Variants in NFIC observed in about 807,000 individuals in gnomAD.
NFIC encodes the protein nuclear factor I C.
NFIC carries 12 observed loss-of-function variants against 54.4 expected under a neutral mutation model. The observed-to-expected ratio is 0.22, with a 90% CI of 0.14 to 0.36. The LOEUF (loss-of-function observed/expected upper bound fraction) is 0.36, where lower values mean the gene tolerates loss of function less well. NFIC is among the 10% of genes least tolerant of loss of function. NFIC has a pLI of 1.00. For synonymous variants in NFIC, 322 were observed against 319.2 expected, an observed-to-expected ratio of 1.01 and a Z score of -0.09; for missense variants, 575 against 718.2, an observed-to-expected ratio of 0.80 and a Z score of 2.28.
At chr19:3,430,576 C>T (rs2082103762) in intron 3 of NFIC, among the ~76,000 whole-genome samples, 1 of 152,034 alleles carries the variant, frequency 6.6e-6, no homozygotes, top group African/African-American at 2.4e-5. Flanking sequence ...CCATCAGCCA[C>T]CACTCCCTGT....
Position 3,393,584 on chromosome 19 carries a change from G to A in NFIC, c.562+11341G>A, listed in dbSNP as rs1268907768. On this transcript the variant is annotated intron_variant, in intron 2 of 10. Coordinates refer to ENST00000443272, the MANE Select transcript of NFIC (RefSeq NM_001245002.2). ...AATCCCAGCACTTTGGGAGACCGAG[G>A]AGGGCAGATCACTTGAGGTCAGGAT... Among the ~76,000 whole-genome samples, 21 of 151,764 alleles carry A rather than the reference G, an allele frequency of 1.4e-4. No individual in the cohort carries two copies. In the South Asian group the frequency reaches 3.4e-3, roughly 24 times the overall value.
upstream of NFIC, among the ~76,000 whole-genome samples, chr19:3,362,751 G>A (rs2080826478): frequency 6.6e-6 from 1 of 152,010 alleles, no homozygotes; most frequent in Non-Finnish European, 1.5e-5. Flanking sequence ...TGGGACCCTT[G>A]CAAGGTTCCT....
At chr19:3,434,031 G>A (rs1281657480) in intron 4 of NFIC, among the ~76,000 whole-genome samples, 1 of 152,150 alleles carries the variant, frequency 6.6e-6, no homozygotes, top group Non-Finnish European at 1.5e-5. Flanking sequence ...TCCCTGTCCA[G>A]ATCAGCAGAG....
In NFIC at chr19:3,464,792, G is replaced by T; in HGVS notation, c.*2023G>T. On this transcript the variant is annotated 3_prime_UTR_variant, in exon 11 of 11. Transcript: ENST00000443272. The stretch of plus-strand genomic sequence containing the variant: ...CGCCATCCTCTGGCCTCGAGCCCTT[G>T]GTCCCTCCGTCCGTCTGTCCTCGGG... 2.3e-6 allele frequency: 2 copies of T among 851,546 alleles called. No homozygotes were observed. Among genetic ancestry groups the T allele is most frequent in the South Asian group, 1.1e-4 (2 of 18,690 alleles). The allele number at this position is 851,546 out of a possible 1,614,324, so 52.7% of individuals were successfully genotyped here.
intron 2 of NFIC, among the ~76,000 whole-genome samples, chr19:3,386,103 C>T (rs72974714): frequency 0.079 from 11,893 of 150,838 alleles, 545 homozygotes; most frequent in South Asian, 0.15. Context: ...AACCCCAACT[C>T]CGGCTGGGTG....
At chr19:3,393,733 C>G (rs927492174) in intron 2 of NFIC, among the ~76,000 whole-genome samples, 1 of 143,612 alleles carries the variant, frequency 7.0e-6, no homozygotes, top group Non-Finnish European at 1.5e-5. Flanking sequence ...AGGAGAATCG[C>G]TTAAACCCAG....
rs1175081707 is a variant in NFIC at position 3,468,028 on chromosome 19, A to G, written c.*5259A>G. The G allele has an allele frequency of 6.6e-6, 1 of 151,700 alleles. No individual in the cohort carries two copies. The highest frequency in any genetic ancestry group is 1.9e-4 in the East Asian group (1 of 5,160). The allele number at this position is 151,700 out of a possible 1,614,324, so 9.4% of individuals were successfully genotyped here. A position where few individuals can be genotyped will look rare whatever the true frequency, so the allele number is the denominator to read the frequency against. On this transcript the variant is annotated 3_prime_UTR_variant, in exon 11 of 11. Transcript: ENST00000443272. The stretch of plus-strand genomic sequence containing the variant: ...GCCCATCCATTGCTCAATGGTACAG[A>G]GTGTGGGGTCAGTCCACCACCCTTG...
chr19:3,373,510 C>T (rs1473815442), intron 1 of NFIC, among the ~76,000 whole-genome samples: 1 of 151,996 alleles, frequency 6.6e-6, no homozygotes, highest in Non-Finnish European at 1.5e-5. Context: ...TGCGGTCCTG[C>T]CCCAGGGCCT....
At chr19:3,410,533 G>A (rs959707651) in intron 2 of NFIC, 3 of 152,586 alleles carry the variant, frequency 2.0e-5, no homozygotes, top group Admixed American at 1.3e-4. Context: ...TGAGGAAGGG[G>A]AGACAGGAAG....
intron 1 of NFIC, among the ~76,000 whole-genome samples, chr19:3,376,365 G>T (rs1441796270): frequency 1.4e-5 from 2 of 142,804 alleles, no homozygotes; most frequent in African/African-American, 2.6e-5. Flanking sequence ...GGAGGCGGAG[G>T]TTGCAGTGAG....
rs2080987001 is a variant in NFIC at position 3,370,636 on chromosome 19, C to G, written c.30+3970C>G. On this transcript the variant is annotated intron_variant, in intron 1 of 10. Transcript: ENST00000443272. This position sits in a 1 kb window ranked among gnomAD's most constrained non-coding sequence, Gnocchi z 5.2. ...CCCTTCTCTCCCTCTCTCCTTCTCT[C>G]TTCTCTCTCTCTTTCTCCCTCCCTA... is the stretch of plus-strand genomic sequence containing the variant. Among the ~76,000 whole-genome samples the G allele has an allele frequency of 6.6e-6, 1 of 150,602 alleles. No homozygotes were observed. Among genetic ancestry groups the G allele is most frequent in the Non-Finnish European group, 1.5e-5 (1 of 67,356 alleles).
intron 2 of NFIC, among the ~76,000 whole-genome samples, chr19:3,414,812 GT>G (rs1302169906): frequency 6.6e-6 from 1 of 151,240 alleles, no homozygotes; most frequent in African/African-American, 2.4e-5. Context: ...TGCTTAGTTT[GT>G]TTTTTTGTTT....
chr19:3,438,367 G>A (rs1568183882), intron 6 of NFIC, among the ~76,000 whole-genome samples: 1 of 151,628 alleles, frequency 6.6e-6, no homozygotes, highest in African/African-American at 2.4e-5. Flanking sequence ...GGAGGTCTGT[G>A]CTCCTGCAGC....
chr19:3,452,570 C>T lies in NFIC; in HGVS notation c.1173C>T (p.His391=). 7 of 1,613,904 alleles carry T rather than the reference C, an allele frequency of 4.3e-6. No individual in the cohort carries two copies. Among genetic ancestry groups the T allele is most frequent in the Non-Finnish European group, 5.9e-6 (7 of 1,180,006 alleles). The change falls in exon 8 of 11, where the codon CAC becomes CAT. Residue 391 remains histidine, a synonymous_variant. Coordinates refer to ENST00000443272, the MANE Select transcript of NFIC (RefSeq NM_001245002.2). This position sits in a 1 kb window ranked among gnomAD's most constrained non-coding sequence, Gnocchi z 5.3. The stretch of plus-strand genomic sequence containing the variant: ...AGACGGCCTCCACCTACTTCCCCCA[C>T]ACGGCCATCCGCTACCCACCTCATC... The part of the protein sequence containing the change: ...LPQTASTYFP[H]TAIRYPPHLN...
chr19:3,422,012 C>A (rs932798563), intron 2 of NFIC, among the ~76,000 whole-genome samples: 2 of 152,128 alleles, frequency 1.3e-5, no homozygotes, highest in Non-Finnish European at 2.9e-5. Flanking sequence ...TCTTGGCTCA[C>A]CGCAACCTCC....
chr19:3,422,832 G>A (rs989793299), intron 2 of NFIC, among the ~76,000 whole-genome samples: 1 of 152,120 alleles, frequency 6.6e-6, no homozygotes, highest in Non-Finnish European at 1.5e-5. Context: ...TAACCCTGGT[G>A]AAAAAGCCCA....
At chr19:3,434,162 T>C in intron 4 of NFIC, 115 bp from the exon 5 acceptor site, 1 of 1,447,342 alleles carries the variant, frequency 6.9e-7, no homozygotes. Context: ...ACCGGGCCAA[T>C]ATGGGAAGGG....
At chr19:3,394,001 G>A (rs890013720) in intron 2 of NFIC, among the ~76,000 whole-genome samples, 10 of 151,294 alleles carry the variant, frequency 6.6e-5, no homozygotes, top group Non-Finnish European at 7.4e-5. Context: ...GGAGTGCAGC[G>A]GTGCAATCTC....
intron 2 of NFIC, 130 bp from the exon 3 acceptor site, chr19:3,424,976 G>A (rs947793955): frequency 3.3e-6 from 3 of 914,852 alleles, no homozygotes; most frequent in Admixed American, 4.8e-5. Context: ...GCCTGGGTGT[G>A]TTTTGGGGCC....
Sources: allele counts gnomAD v4.1 joint callset (sites outside exome capture counted in the v4.1 genomes callset), GRCh38; gene constraint gnomAD v4.1.1; non-coding constraint Gnocchi (gnomAD v3.1); transcripts MANE v1.5; gene names NCBI Gene and HGNC (gene_info 2026-07-23, HGNC 2026-07-21).